The following TENM4 variants were observed in gnomAD, a reference collection of about 807,000 sequenced individuals.
TENM4 encodes teneurin transmembrane protein 4.
In TENM4, 82 loss-of-function variants were observed where a neutral mutation model predicts 243.3. The ratio of observed to expected loss-of-function variants is 0.34; its 90% CI spans 0.28 to 0.40. The LOEUF (loss-of-function observed/expected upper bound fraction) is 0.40. Among genes scored for constraint, TENM4 ranks in the 10% least tolerant of loss-of-function variants. TENM4 has a pLI of 1.00. For synonymous variants in TENM4, 1,412 were observed against 1,456.3 expected (o/e 0.97, Z 0.69); for missense variants, 3,138 against 3,673.3 (o/e 0.85, Z 3.77).
chr11:79,085,719 C>A (rs572200694), intron 4 of TENM4, among the ~76,000 whole-genome samples: 1 of 147,398 alleles, frequency 6.8e-6, no homozygotes, highest in Admixed American at 6.8e-5. Flanking sequence ...GGCCATTCTT[C>A]TCTGAAAAAG....
In TENM4 at chr11:78,688,054, C is replaced by T. The variant is rs750329526; in HGVS notation, c.5260G>A (p.Asp1754Asn). Residue 1754 changes from aspartate to asparagine, a missense_variant and splice_region_variant, in exon 29 of 34, where the codon GAC becomes AAC. By Grantham distance (23) the Asp-to-Asn change is conservative. Transcript: ENST00000278550. ...GTCCCCTGGCCCCCACCTGACTTAC[C>T]TTGCAGCAGTGTGTAGAAGGCGCCT... ...ASGAFYTLLQ[D>N]QVRNSYYIGA... 1.2e-6 allele frequency: 2 copies of T among 1,613,240 alleles called. No individual in the cohort carries two copies. Among genetic ancestry groups the T allele is most frequent in the African/African-American group, 2.7e-5 (2 of 74,886 alleles).
chr11:79,185,973 G>T (rs896774570), intron 3 of TENM4, among the ~76,000 whole-genome samples: 1 of 152,102 alleles, frequency 6.6e-6, no homozygotes, highest in Admixed American at 6.5e-5. Context: ...GTATAGAAGG[G>T]TTAGTTTCAT....
chr11:79,066,720 G>A (rs1013334176), intron 5 of TENM4, among the ~76,000 whole-genome samples: 2 of 135,332 alleles, frequency 1.5e-5, no homozygotes, highest in African/African-American at 5.7e-5. Flanking sequence ...ATGCACACTC[G>A]AGCACACACG....
chr11:78,712,851 T>C (rs1294815558), intron 25 of TENM4, 137 bp from the exon 26 acceptor site: 1 of 817,930 alleles, frequency 1.2e-6, no homozygotes, highest in South Asian at 1.9e-5. Flanking sequence ...TTTTGGGTGA[T>C]GGTTCCCCAA....
At chr11:79,246,106 G>T (rs901840985) in intron 2 of TENM4, among the ~76,000 whole-genome samples, 1 of 152,104 alleles carries the variant, frequency 6.6e-6, no homozygotes, top group Non-Finnish European at 1.5e-5. Context: ...TATATGCACT[G>T]AAAGGGGAAA....
intron 6 of TENM4, among the ~76,000 whole-genome samples, chr11:79,027,039 C>G (rs748732651): frequency 6.6e-6 from 1 of 151,920 alleles, no homozygotes; most frequent in Non-Finnish European, 1.5e-5. Context: ...CTACACACTC[C>G]CATGTGTAAT....
intron 21 of TENM4, among the ~76,000 whole-genome samples, chr11:78,730,543 C>G (rs76779139): frequency 5.3e-5 from 8 of 152,090 alleles, no homozygotes; most frequent in Non-Finnish European, 1.2e-4. Flanking sequence ...ACCCGGGGAA[C>G]GCTCAGGTCA....
At chr11:79,207,587 G>A (rs1863874267) in intron 3 of TENM4, among the ~76,000 whole-genome samples, 1 of 152,064 alleles carries the variant, frequency 6.6e-6, no homozygotes, top group Non-Finnish European at 1.5e-5. Flanking sequence ...ACAGGTGGCG[G>A]GGTGTGGTGG....
intron 3 of TENM4, among the ~76,000 whole-genome samples, chr11:79,213,167 G>A (rs2135220021): frequency 6.6e-6 from 1 of 152,256 alleles, no homozygotes; most frequent in East Asian, 1.9e-4. Flanking sequence ...AAGGCAGTGG[G>A]GACATTCCAG....
At chr11:79,139,211 A>G (rs1170032215) in intron 4 of TENM4, among the ~76,000 whole-genome samples, 2 of 37,920 alleles carry the variant, frequency 5.3e-5, no homozygotes, top group Non-Finnish European at 8.4e-5. Context: ...ATAAATATAT[A>G]AAATATATAT....
intron 1 of TENM4, among the ~76,000 whole-genome samples, chr11:79,324,053 CAT>C (rs1856935049): frequency 6.6e-6 from 1 of 152,124 alleles, no homozygotes; most frequent in East Asian, 1.9e-4. Flanking sequence ...TATAAAATGG[CAT>C]AGTTTTTGCA....
chr11:79,405,819 T>C (rs1280649350), intron 1 of TENM4, among the ~76,000 whole-genome samples: 1 of 141,006 alleles, frequency 7.1e-6, no homozygotes, highest in Non-Finnish European at 1.5e-5. Flanking sequence ...TTTTTGTCCA[T>C]CTAATTTCTC....
intron 27 of TENM4, among the ~76,000 whole-genome samples, chr11:78,706,418 G>T (rs1859249483): frequency 6.6e-6 from 1 of 152,202 alleles, no homozygotes; most frequent in Admixed American, 6.5e-5. Flanking sequence ...ATGCCTCTGA[G>T]CTGTGTGCTC....
At chr11:78,792,198 C>T (rs1419973281) in intron 15 of TENM4, among the ~76,000 whole-genome samples, 2 of 152,180 alleles carry the variant, frequency 1.3e-5, no homozygotes, top group African/African-American at 2.4e-5. Flanking sequence ...CTCCAAGTAA[C>T]CCAGCAGAGG....
intron 6 of TENM4, among the ~76,000 whole-genome samples, chr11:78,957,546 G>A (rs1400248518): frequency 1.3e-5 from 2 of 152,186 alleles, no homozygotes; most frequent in African/African-American, 4.8e-5. Context: ...ACATGGCAGT[G>A]TTTCCCATTT....
intron 3 of TENM4, among the ~76,000 whole-genome samples, chr11:79,163,742 A>G (rs1862810134): frequency 6.6e-6 from 1 of 150,404 alleles, no homozygotes; most frequent in Non-Finnish European, 1.5e-5. Context: ...ATGTCTGAGT[A>G]ATACTCCATG....
chr11:79,074,888 C>G (rs2137013091), intron 4 of TENM4, among the ~76,000 whole-genome samples: 1 of 152,318 alleles, frequency 6.6e-6, no homozygotes, highest in South Asian at 2.1e-4. Context: ...TGTGCAGGAC[C>G]AGGGATGTGC....
At chr11:79,244,323 T>A (rs1429249044) in intron 2 of TENM4, among the ~76,000 whole-genome samples, 1 of 152,290 alleles carries the variant, frequency 6.6e-6, no homozygotes, top group Non-Finnish European at 1.5e-5. Flanking sequence ...CCTTTCTGTG[T>A]TCTGAAGAAG....
chr11:78,931,349 A>G (rs1856664851), intron 6 of TENM4, among the ~76,000 whole-genome samples: 1 of 152,210 alleles, frequency 6.6e-6, no homozygotes, highest in African/African-American at 2.4e-5. Context: ...CCTTGAAAGG[A>G]GGCTCAGCAA....
Sources: allele counts gnomAD v4.1 joint callset (sites outside exome capture counted in the v4.1 genomes callset), GRCh38; gene constraint gnomAD v4.1.1; transcripts MANE v1.5; gene names NCBI Gene and HGNC (gene_info 2026-07-23, HGNC 2026-07-21).